Variants in NCK2 observed in about 807,000 individuals in gnomAD.
NCK2 encodes the protein NCK adaptor protein 2.
NCK2 carries 16 observed loss-of-function variants against 33.9 expected under a neutral mutation model. The observed-to-expected ratio is 0.47, with a 90% CI of 0.32 to 0.72. The LOEUF is 0.72. NCK2 is among the 30% of genes least tolerant of loss of function. NCK2 has a pLI of 0.03. For missense variants in NCK2, 418 were observed against 537.3 expected, an observed-to-expected ratio of 0.78 and a Z score of 2.19; for synonymous variants, 273 against 239.9, an observed-to-expected ratio of 1.14 and a Z score of -1.27.
upstream of NCK2, chr2:105,744,764 G>A (rs1021554709): frequency 6.7e-6 from 1 of 150,130 alleles, no homozygotes; most frequent in African/African-American, 2.4e-5. Flanking sequence ...GCGCGCCCGG[G>A]CCTGGGCCGG....
chr2:105,802,274 G>A (rs1674869726), intron 1 of NCK2, among the ~76,000 whole-genome samples: 1 of 152,202 alleles, frequency 6.6e-6, no homozygotes, highest in African/African-American at 2.4e-5. Context: ...ATGTGGTGTG[G>A]GAGGCTGGGC....
At chr2:105,825,306 G>A (rs1675898237) in intron 2 of NCK2, among the ~76,000 whole-genome samples, 1 of 152,190 alleles carries the variant, frequency 6.6e-6, no homozygotes, top group African/African-American at 2.4e-5. Context: ...GCTTTCATTT[G>A]CGAGTTTTCA....
At chr2:105,860,186 T>C (rs913242802) in intron 3 of NCK2, among the ~76,000 whole-genome samples, 1 of 151,966 alleles carries the variant, frequency 6.6e-6, no homozygotes. Flanking sequence ...CTCAAGAGGC[T>C]CAGTTGGGAG....
In NCK2 at chr2:105,767,396, G is replaced by A. The variant is rs187024438; in HGVS notation, c.-201+22258G>A. 1.2e-4 allele frequency among the ~76,000 whole-genome samples: 18 copies of A among 152,256 alleles called. No individual in the cohort carries two copies. In the East Asian group the frequency reaches 3.3e-3, roughly 28 times the overall value. ...ATAACCTAGTTAGTATTTTGTGAAAGGTGTTCTTTATAAGTGTTACATTCT... is the reference window on the plus strand; with the variant it reads ...ATAACCTAGTTAGTATTTTGTGAAAAGTGTTCTTTATAAGTGTTACATTCT... On this transcript the variant is annotated intron_variant, in intron 1 of 4. Coordinates refer to ENST00000233154, the MANE Select transcript of NCK2 (RefSeq NM_003581.5).
At chr2:105,786,892 C>T (rs1419420563) in intron 1 of NCK2, among the ~76,000 whole-genome samples, 1 of 152,206 alleles carries the variant, frequency 6.6e-6, no homozygotes, top group Non-Finnish European at 1.5e-5. Context: ...GCTGCTCAGG[C>T]ACCCTCCTTT....
In NCK2 at chr2:105,881,999, A is replaced by C; in HGVS notation, c.898A>C (p.Asn300His). The change falls in exon 4 of 5, where the codon AAC becomes CAC. Residue 300 changes from asparagine (N) to histidine (H), a missense_variant. By Grantham distance (68) the Asn-to-His change is moderately conservative (BLOSUM62 1). Coordinates refer to ENST00000233154, the MANE Select transcript of NCK2 (RefSeq NM_003581.5). The part of the protein sequence containing the change: ...VTRHQAECAL[N>H]ERGVEGDFLI... Reference sequence around the variant, plus strand: ...GCGGCACCAGGCCGAGTGCGCCCTCAACGAGCGGGGCGTGGAGGGCGACTT... The same window carrying C: ...GCGGCACCAGGCCGAGTGCGCCCTCCACGAGCGGGGCGTGGAGGGCGACTT... The C allele has an allele frequency of 6.6e-7, 1 of 1,509,268 alleles. No homozygotes were observed. Among genetic ancestry groups the C allele is most frequent in the Non-Finnish European group, 8.9e-7 (1 of 1,128,582 alleles). 93.5% of individuals were successfully genotyped at this position (1,509,268 alleles called of 1,614,324 possible). A position where few individuals can be genotyped will look rare whatever the true frequency, so the allele number is the denominator to read the frequency against.
At chr2:105,791,422 G>C (rs1404992872) in intron 1 of NCK2, among the ~76,000 whole-genome samples, 1 of 152,206 alleles carries the variant, frequency 6.6e-6, no homozygotes, top group Non-Finnish European at 1.5e-5. Context: ...AGGATATACG[G>C]TGTAAAGTGC....
intron 2 of NCK2, among the ~76,000 whole-genome samples, chr2:105,827,095 G>A (rs1675983705): frequency 6.6e-6 from 1 of 151,888 alleles, no homozygotes; most frequent in Non-Finnish European, 1.5e-5. Flanking sequence ...TGCCTCCCAC[G>A]TTCACACCAT....
At chr2:105,868,949 G>A (rs1352041050) in intron 3 of NCK2, among the ~76,000 whole-genome samples, 1 of 152,224 alleles carries the variant, frequency 6.6e-6, no homozygotes, top group African/African-American at 2.4e-5. Context: ...CTGGAGCCCA[G>A]TTCCATCAAG....
chr2:105,865,902 A>ATATTATTATTATTATTATTATTATTAT (rs61440392), intron 3 of NCK2, among the ~76,000 whole-genome samples: 76 of 148,800 alleles, frequency 5.1e-4, no homozygotes, highest in African/African-American at 1.7e-3. Flanking sequence ...AAAGACAGAG[A>ATATTATTATTATTATTATTATTATTAT]TATTATTATT....
chr2:105,806,721 C>T (rs925716328), intron 1 of NCK2, among the ~76,000 whole-genome samples: 1 of 152,052 alleles, frequency 6.6e-6, no homozygotes, highest in Non-Finnish European at 1.5e-5. Flanking sequence ...AAAAAAATCA[C>T]GTTGATTCAG....
At chr2:105,797,848 C>T (rs1691141066) in intron 1 of NCK2, among the ~76,000 whole-genome samples, 1 of 152,204 alleles carries the variant, frequency 6.6e-6, no homozygotes, top group African/African-American at 2.4e-5. Context: ...AAAACCCTTT[C>T]AGCAATTTGG....
At chr2:105,777,670 C>T (rs945192526) in intron 1 of NCK2, among the ~76,000 whole-genome samples, 15 of 152,286 alleles carry the variant, frequency 9.8e-5, no homozygotes, top group African/African-American at 2.9e-4. Context: ...GACACCAATG[C>T]GCACAATTCC....
chr2:105,773,234 T>C (rs11890447), intron 1 of NCK2, among the ~76,000 whole-genome samples: 71,073 of 151,622 alleles, frequency 0.47, 17,924 homozygotes, highest in African/African-American at 0.64. Flanking sequence ...GTGCCAAGGA[T>C]ATTTTTCTTT....
At chr2:105,884,019 C>T (rs1678616485) in intron 4 of NCK2, among the ~76,000 whole-genome samples, 1 of 152,138 alleles carries the variant, frequency 6.6e-6, no homozygotes. Flanking sequence ...TGGATCTTGC[C>T]GTGACACGGG....
chr2:105,868,568 G>A (rs1028229603), intron 3 of NCK2, among the ~76,000 whole-genome samples: 2 of 152,192 alleles, frequency 1.3e-5, no homozygotes, highest in African/African-American at 4.8e-5. Flanking sequence ...TAAACATGCA[G>A]TTCGTTCTAA....
chr2:105,785,481 G>A (rs1170936805), intron 1 of NCK2, among the ~76,000 whole-genome samples: 3 of 152,190 alleles, frequency 2.0e-5, no homozygotes, highest in Admixed American at 6.5e-5. Flanking sequence ...AGTCCAAAGT[G>A]ACACGACCAA....
intron 1 of NCK2, among the ~76,000 whole-genome samples, chr2:105,804,642 A>G (rs1358008422): frequency 6.6e-6 from 1 of 152,242 alleles, no homozygotes; most frequent in African/African-American, 2.4e-5. Flanking sequence ...TTTAGAATTT[A>G]GAATTACTCT....
At chr2:105,858,905 T>G (rs887514698) in intron 3 of NCK2, among the ~76,000 whole-genome samples, 1 of 152,236 alleles carries the variant, frequency 6.6e-6, no homozygotes, top group African/African-American at 2.4e-5. Context: ...CTTCTCATAT[T>G]CAGCTTATGA....
Sources: gnomAD v4.1 joint callset for allele counts (sites outside exome capture counted in the v4.1 genomes callset) on GRCh38, gnomAD v4.1.1 for gene constraint, MANE v1.5 for transcripts, NCBI Gene and HGNC (gene_info 2026-07-23, HGNC 2026-07-21) for gene names.